The following PCDH15 variants were observed in gnomAD, a reference collection of about 807,000 sequenced individuals.
PCDH15 encodes protocadherin related 15, also known as protocadherin-15.
Under a neutral mutation model 178.5 loss-of-function variants are expected in PCDH15, and 129 were observed. The observed-to-expected ratio is 0.72, with a 90% CI of 0.63 to 0.84. PCDH15 has a LOEUF of 0.84. Ranked by LOEUF, PCDH15 falls within the 40% of genes least tolerant of loss-of-function variation. The pLI, the probability that PCDH15 is intolerant of heterozygous loss-of-function variation, is 0.00. For synonymous variants in PCDH15, 800 were observed against 732.0 expected (o/e 1.09, Z -1.50); for missense variants, 2,230 against 2,099.9 (o/e 1.06, Z -1.21).
chr10:54,680,310 G>A (rs1025032962), intron 1 of PCDH15, among the ~76,000 whole-genome samples: 4 of 152,078 alleles, frequency 2.6e-5, no homozygotes, highest in African/African-American at 9.7e-5. Flanking sequence ...TGCAATTCAT[G>A]AAAACAAGCC....
intron 2 of PCDH15, among the ~76,000 whole-genome samples, chr10:55,098,927 A>C (rs1013742922): frequency 6.8e-6 from 1 of 147,512 alleles, no homozygotes; most frequent in East Asian, 2.1e-4. Flanking sequence ...AGAGAGAGAG[A>C]GAGAGAGCTC....
chr10:53,844,529 A>T lies in PCDH15; in HGVS notation c.3807-4033T>A, dbSNP rs548375008. ...GAAAAAACATGATATGACCATAAAA[A>T]CAGACACGTACACCAATGAAACAGA... On this transcript the variant is annotated intron_variant, in intron 28 of 37. Coordinates refer to ENST00000644397, the MANE Select transcript of PCDH15 (RefSeq NM_001384140.1). Among the ~76,000 whole-genome samples, 8 of 152,110 alleles carry T rather than the reference A, an allele frequency of 5.3e-5. No individual in the cohort carries two copies. In the East Asian group the frequency reaches 1.5e-3, roughly 29 times the overall value.
chr10:54,697,985 T>TTCTC (rs138615671), intron 1 of PCDH15, among the ~76,000 whole-genome samples: 2 of 151,168 alleles, frequency 1.3e-5, no homozygotes, highest in African/African-American at 2.4e-5. Flanking sequence ...CCTAAATCAA[T>TTCTC]ACTCATCCTG....
chr10:55,198,550 G>A (rs1427385794), intron 1 of PCDH15, among the ~76,000 whole-genome samples: 2 of 151,988 alleles, frequency 1.3e-5, no homozygotes, highest in South Asian at 2.1e-4. Flanking sequence ...GCAGTGGCGC[G>A]ATAACAGCTC....
At chr10:54,176,209 C>T (rs2047417569) in intron 13 of PCDH15, among the ~76,000 whole-genome samples, 1 of 152,112 alleles carries the variant, frequency 6.6e-6, no homozygotes, top group South Asian at 2.1e-4. Context: ...AGTCATTATA[C>T]TGACCACTCG....
At chr10:54,236,564 G>T (rs561312979) in intron 9 of PCDH15, among the ~76,000 whole-genome samples, 3 of 152,066 alleles carry the variant, frequency 2.0e-5, no homozygotes, top group Non-Finnish European at 4.4e-5. Context: ...ATACTAATAT[G>T]TAGGTTAATT....
chr10:55,369,023 A>AC (rs1313920637), intron 2 of PCDH15, among the ~76,000 whole-genome samples: 2 of 151,106 alleles, frequency 1.3e-5, no homozygotes, highest in Non-Finnish European at 1.5e-5. Context: ...AAAAAAAAAA[A>AC]AAAAAAAAAA....
chr10:55,037,265 G>C (rs1365180307), intron 2 of PCDH15, among the ~76,000 whole-genome samples: 1 of 151,660 alleles, frequency 6.6e-6, no homozygotes, highest in Admixed American at 6.6e-5. Flanking sequence ...ACGGAGTCTC[G>C]CTCTGTTGCC....
intron 3 of PCDH15, among the ~76,000 whole-genome samples, chr10:54,892,515 C>T (rs1954480435): frequency 2.0e-5 from 3 of 150,118 alleles, no homozygotes; most frequent in South Asian, 2.1e-4. Context: ...TAAAGAGTAA[C>T]CAATAATTAA....
chr10:55,489,291 A>G (rs987146887), intron 2 of PCDH15, among the ~76,000 whole-genome samples: 2 of 151,548 alleles, frequency 1.3e-5, no homozygotes, highest in African/African-American at 4.8e-5. Flanking sequence ...CCAATAGTAA[A>G]TGTGTCAGAA....
At position 55,020,379 on chromosome 10, in the gene PCDH15, A is replaced by G. The variant is rs1285243032; in HGVS notation, c.-79-122879T>C. ...AGATGGATAAATATAAAGTAATGAG[A>G]ATGCAAAAAAAAAAAGAAGACTTGA... On this transcript the variant is annotated intron_variant, in intron 2 of 5. Coordinates refer to the PCDH15 transcript ENST00000458638. Among the ~76,000 whole-genome samples, 4 of 150,076 alleles carry G rather than the reference A, an allele frequency of 2.7e-5. No individual in the cohort carries two copies. The South Asian group carries it at 8.4e-4, about 31-fold the overall frequency.
intron 2 of PCDH15, among the ~76,000 whole-genome samples, chr10:55,404,292 G>A (rs993063949): frequency 1.1e-4 from 16 of 151,934 alleles, no homozygotes; most frequent in African/African-American, 3.6e-4. Flanking sequence ...AAAGAACAAC[G>A]TTGCACACCA....
At chr10:55,260,712 G>A (rs534023441) in intron 1 of PCDH15, among the ~76,000 whole-genome samples, 2 of 152,160 alleles carry the variant, frequency 1.3e-5, no homozygotes, top group East Asian at 1.9e-4. Context: ...TACAAATAAC[G>A]TATGCCATAT....
intron 1 of PCDH15, among the ~76,000 whole-genome samples, chr10:54,779,654 A>T (rs1254104822): frequency 6.6e-6 from 1 of 151,350 alleles, no homozygotes; most frequent in East Asian, 2.0e-4. Flanking sequence ...AAATGTGAAC[A>T]CAGCAGAGAG....
At chr10:55,244,858 C>T (rs1376082868) in intron 1 of PCDH15, among the ~76,000 whole-genome samples, 1 of 151,534 alleles carries the variant, frequency 6.6e-6, no homozygotes, top group East Asian at 1.9e-4. Flanking sequence ...AAAGTTAAAT[C>T]ACTTTATCGA....
intron 2 of PCDH15, among the ~76,000 whole-genome samples, chr10:55,122,563 A>T (rs1036429364): frequency 5.3e-5 from 8 of 152,134 alleles, no homozygotes; most frequent in African/African-American, 1.9e-4. Flanking sequence ...TGAGAAAAAA[A>T]TGGCTATTTG....
chr10:54,241,217 C>A (rs1331318262), intron 8 of PCDH15, among the ~76,000 whole-genome samples: 1 of 152,122 alleles, frequency 6.6e-6, no homozygotes, highest in Non-Finnish European at 1.5e-5. Context: ...AGAACAGAGT[C>A]TCTTCACATA....
At chr10:54,113,984 G>T (rs2132743373) in intron 15 of PCDH15, among the ~76,000 whole-genome samples, 1 of 152,080 alleles carries the variant, frequency 6.6e-6, no homozygotes, top group Admixed American at 6.6e-5. Flanking sequence ...ATCAGATCTT[G>T]TGAGATTTAT....
intron 1 of PCDH15, among the ~76,000 whole-genome samples, chr10:54,717,684 A>C (rs959701470): frequency 7.3e-6 from 1 of 136,428 alleles, no homozygotes; most frequent in African/African-American, 2.9e-5. Flanking sequence ...TAGTTCAACC[A>C]TTGTGGAAGT....
Sources: allele counts gnomAD v4.1 joint callset (sites outside exome capture counted in the v4.1 genomes callset), GRCh38; gene constraint gnomAD v4.1.1; transcripts MANE v1.5; gene names NCBI Gene and HGNC (gene_info 2026-07-23, HGNC 2026-07-21).